NWD2: variants seen among roughly 807,000 people sequenced by gnomAD.
NWD2 encodes NACHT and WD repeat domain containing 2.
A neutral mutation model predicts 132.7 loss-of-function variants in NWD2; 37 were observed. The observed-to-expected ratio is 0.28, with a 90% CI of 0.21 to 0.37. The LOEUF is 0.37. Among genes scored for constraint, NWD2 ranks in the 10% least tolerant of loss-of-function variants. NWD2 has a pLI of 1.00. For synonymous variants in NWD2, 705 were observed against 803.0 expected, an observed-to-expected ratio of 0.88 and a Z score of 2.06; for missense variants, 1,592 against 2,122.4, an observed-to-expected ratio of 0.75 and a Z score of 4.91.
intron 3 of NWD2, among the ~76,000 whole-genome samples, chr4:37,362,164 A>G (rs1719993183): frequency 6.6e-6 from 1 of 152,208 alleles, no homozygotes; most frequent in Non-Finnish European, 1.5e-5. Context: ...AAAAGAAATC[A>G]CAGATGACGC....
intron 1 of NWD2, among the ~76,000 whole-genome samples, chr4:37,253,448 G>A (rs145050259): frequency 6.0e-4 from 92 of 152,224 alleles, no homozygotes; most frequent in African/African-American, 2.1e-3. Flanking sequence ...CATGCTCCCC[G>A]GAACAGGTCA....
At chr4:37,343,639 G>GT (rs945819598) in intron 2 of NWD2, among the ~76,000 whole-genome samples, 7 of 152,104 alleles carry the variant, frequency 4.6e-5, no homozygotes, top group South Asian at 2.1e-4. Flanking sequence ...TATCTCTATA[G>GT]TTTTTTCCAT....
chr4:37,442,382 C>T (rs534612171), intron 6 of NWD2, among the ~76,000 whole-genome samples: 1 of 152,318 alleles, frequency 6.6e-6, no homozygotes, highest in Admixed American at 6.5e-5. Flanking sequence ...GGGCTCCTCA[C>T]ATATTTTATC....
At position 37,443,943 on chromosome 4, in the gene NWD2, A is replaced by C; in HGVS notation, c.1955A>C (p.Lys652Thr). The C allele has an allele frequency of 6.4e-7, 1 of 1,552,328 alleles. No individual in the cohort carries two copies. Among genetic ancestry groups the C allele is most frequent in the Admixed American group, 2.0e-5 (1 of 51,006 alleles). ...CAGTTATTCTGGTCCTTGGAGAAGA[A>C]GTGTGGTCAGAAACTGGTCTCTAGG... ...IEQLFWSLEKKCGQKLVSRAL... is the reference protein window; with the variant it reads ...IEQLFWSLEKTCGQKLVSRAL... The change falls in exon 7 of 7, where the codon AAG becomes ACG. Residue 652 changes from lysine to threonine, a missense_variant. Lys to Thr is a moderately conservative substitution (Grantham distance 78, BLOSUM62 -1). Coordinates refer to ENST00000309447, the MANE Select transcript of NWD2 (RefSeq NM_001144990.2). The surrounding 1 kb of genome is among the most constrained non-coding windows in gnomAD (Gnocchi z 4.1).
At chr4:37,357,226 A>C (rs1235402123) in intron 3 of NWD2, among the ~76,000 whole-genome samples, 1 of 150,788 alleles carries the variant, frequency 6.6e-6, no homozygotes, top group African/African-American at 2.4e-5. Context: ...CTTTGAACAT[A>C]GGTTGCTCTA....
intron 2 of NWD2, among the ~76,000 whole-genome samples, chr4:37,346,572 G>A (rs554155320): frequency 1.2e-4 from 18 of 152,252 alleles, no homozygotes; most frequent in African/African-American, 3.6e-4. Context: ...GATTTATAGT[G>A]ATTGGATTGA....
intron 1 of NWD2, among the ~76,000 whole-genome samples, chr4:37,279,691 A>G (rs955211987): frequency 6.6e-5 from 10 of 152,236 alleles, no homozygotes; most frequent in Non-Finnish European, 1.2e-4. Flanking sequence ...ATCACTTTAC[A>G]TGCAGATTAT....
chr4:37,288,746 C>CT lies in NWD2; in HGVS notation c.152-37190_152-37189insT, dbSNP rs768031482. ...AAGTAGAAATTGTTGTTGTGAATTA[C>CT]CCATTTGCATATATTAAACAATGGT... On this transcript the variant is annotated intron_variant, in intron 1 of 6. Transcript: ENST00000309447. Among the ~76,000 whole-genome samples, 500 of 152,284 alleles carry CT rather than the reference C, an allele frequency of 3.3e-3. 4 individuals carry two copies. The highest frequency in any genetic ancestry group is 0.011 in the African/African-American group (464 of 41,560).
At position 37,447,116 on chromosome 4, in the gene NWD2, G is replaced by A. The variant is rs1391137275; in HGVS notation, c.5128G>A (p.Glu1710Lys). 5.8e-6 allele frequency: 9 copies of A among 1,551,538 alleles called. No individual in the cohort carries two copies. The South Asian group carries it at 8.3e-5, about 14-fold the overall frequency. The change falls in exon 7 of 7, where the codon GAG becomes AAG. Residue 1710 changes from glutamate (E) to lysine (K), a missense_variant. Glu to Lys is a moderately conservative substitution (Grantham distance 56, BLOSUM62 1). Transcript: ENST00000309447. ...DSPITVSDST[E>K]SNEATPSKKH... ...CCCCATCACAGTTAGTGACTCTACTGAGTCCAATGAAGCAACACCCTCCAA... is the reference window on the plus strand; with the variant it reads ...CCCCATCACAGTTAGTGACTCTACTAAGTCCAATGAAGCAACACCCTCCAA...
In NWD2 at chr4:37,443,983, C is replaced by T. The variant is rs1464294735; in HGVS notation, c.1995C>T (p.Ile665=). ...QKLVSRALGY[I]TMAKMGLSEM... ...TGGTCTCTAGGGCTCTTGGTTACATCACCATGGCCAAAATGGGTCTGAGTG... is the reference window on the plus strand; with the variant it reads ...TGGTCTCTAGGGCTCTTGGTTACATTACCATGGCCAAAATGGGTCTGAGTG... The change falls in exon 7 of 7, where the codon ATC becomes ATT. Residue 665 remains isoleucine, a synonymous_variant. Coordinates refer to ENST00000309447, the MANE Select transcript of NWD2 (RefSeq NM_001144990.2). This position sits in a 1 kb window ranked among gnomAD's most constrained non-coding sequence, Gnocchi z 4.1. The T allele has an allele frequency of 6.4e-7, 1 of 1,552,286 alleles. No homozygotes were observed.
intron 3 of NWD2, among the ~76,000 whole-genome samples, chr4:37,368,742 GA>G (rs1371911805): frequency 6.6e-6 from 1 of 152,110 alleles, no homozygotes; most frequent in Admixed American, 6.6e-5. Flanking sequence ...GATGAAGGTA[GA>G]ATATAGGGTT....
intron 1 of NWD2, among the ~76,000 whole-genome samples, chr4:37,316,068 T>G (rs896372192): frequency 3.3e-5 from 5 of 151,374 alleles, no homozygotes; most frequent in Non-Finnish European, 7.4e-5. Flanking sequence ...ACTTATATAG[T>G]CTTTTATACA....
chr4:37,251,473 G>A (rs1231364852), intron 1 of NWD2, among the ~76,000 whole-genome samples: 1 of 152,136 alleles, frequency 6.6e-6, no homozygotes, highest in Admixed American at 6.5e-5. Context: ...AAAAGTCAGG[G>A]GTACCACTGG....
intron 1 of NWD2, among the ~76,000 whole-genome samples, chr4:37,320,982 C>A (rs1719056561): frequency 6.6e-6 from 1 of 152,086 alleles, no homozygotes; most frequent in South Asian, 2.1e-4. Flanking sequence ...CGTGGTAAAA[C>A]CCCGTCTGTA....
intron 1 of NWD2, among the ~76,000 whole-genome samples, chr4:37,286,802 AT>A (rs1718240504): frequency 1.3e-5 from 2 of 152,096 alleles, no homozygotes; most frequent in East Asian, 3.9e-4. Flanking sequence ...TTGAATATGA[AT>A]TTTTACTGCT....
chr4:37,366,083 CT>C (rs1264830968), intron 3 of NWD2, among the ~76,000 whole-genome samples: 2 of 152,134 alleles, frequency 1.3e-5, no homozygotes, highest in Non-Finnish European at 2.9e-5. Context: ...GGTAAGCTGG[CT>C]TTACAGATAG....
chr4:37,335,300 C>G (rs1024682320), intron 2 of NWD2, among the ~76,000 whole-genome samples: 105 of 62,380 alleles, frequency 1.7e-3, no homozygotes, highest in South Asian at 2.3e-3. Context: ...GGGGGGTGGG[C>G]GGGGGGGGGG....
intron 3 of NWD2, among the ~76,000 whole-genome samples, chr4:37,378,566 A>G (rs563470643): frequency 2.0e-5 from 3 of 152,246 alleles, no homozygotes; most frequent in Non-Finnish European, 4.4e-5. Context: ...CCAACTTGTT[A>G]CACAATCACC....
At chr4:37,414,552 A>G (rs1020222920) in intron 3 of NWD2, among the ~76,000 whole-genome samples, 1 of 152,160 alleles carries the variant, frequency 6.6e-6, no homozygotes. Flanking sequence ...TGCTAAAGCC[A>G]TGAATCTTAC....
Sources: gnomAD v4.1 joint callset for allele counts (sites outside exome capture counted in the v4.1 genomes callset) on GRCh38, gnomAD v4.1.1 for gene constraint, Gnocchi (gnomAD v3.1) non-coding constraint, MANE v1.5 for transcripts, NCBI Gene and HGNC (gene_info 2026-07-23, HGNC 2026-07-21) for gene names.